NAT8L: variants seen among roughly 807,000 people sequenced by gnomAD.
NAT8L encodes N-acetylaspartate synthetase.
NAT8L carries 6 observed loss-of-function variants against 21.2 expected under a neutral mutation model. The observed-to-expected ratio is 0.28, with a 90% CI of 0.16 to 0.56. The LOEUF is 0.56. Among genes scored for constraint, NAT8L ranks in the 20% least tolerant of loss-of-function variants. The pLI, the probability that NAT8L is intolerant of heterozygous loss-of-function variation, is 0.93. For missense variants in NAT8L, 331 were observed against 433.3 expected, an observed-to-expected ratio of 0.76 and a Z score of 2.10; for synonymous variants, 239 against 204.9, an observed-to-expected ratio of 1.17 and a Z score of -1.42.
chr4:2,059,615 C>T lies in NAT8L; in HGVS notation c.104C>T (p.Ala35Val), dbSNP rs981218145. 1.0e-6 allele frequency: 1 copy of T among 980,076 alleles called. No individual in the cohort carries two copies. The highest frequency in any genetic ancestry group is 1.2e-6 in the Non-Finnish European group (1 of 827,338). 60.7% of individuals were successfully genotyped at this position (980,076 alleles called of 1,614,324 possible). ...AAGAAGGACGCGCTGCTCGCCGCCG[C>T]CGGCGCCATGTGGCCCCCGCTGCCC... ...GAKKDALLAA[A>V]GAMWPPLPAA... The change falls in exon 1 of 3, where the codon GCC becomes GTC. Residue 35 changes from alanine to valine, a missense_variant. By Grantham distance (64) the Ala-to-Val change is moderately conservative. Around this residue, in one of 2 missense-constraint regions of NAT8L, gnomAD observed 199 missense variants for 196.1 expected, o/e 1.01. Coordinates refer to ENST00000423729, the MANE Select transcript of NAT8L (RefSeq NM_178557.4). The surrounding 1 kb of genome is among the most constrained non-coding windows in gnomAD (Gnocchi z 4.8).
rs1491548317 is a variant in NAT8L, at chr4:2,068,231, CGT to C, written c.*4106_*4107del. On this transcript the variant is annotated 3_prime_UTR_variant, in exon 3 of 3. Coordinates refer to ENST00000423729, the MANE Select transcript of NAT8L (RefSeq NM_178557.4). ...TTGTAGGTGCATAAGCATGTACACG[CGT>C]GAGCATGCATGTGTGTGTACACGTG... The C allele has an allele frequency of 1.3e-5, 2 of 152,050 alleles. No individual in the cohort carries two copies. The highest frequency in any genetic ancestry group is 1.9e-4 in the East Asian group (1 of 5,194). 9.4% of individuals were successfully genotyped at this position (152,050 alleles called of 1,614,324 possible). A position where few individuals can be genotyped will look rare whatever the true frequency, so the allele number is the denominator to read the frequency against.
rs1180604168 is a variant in NAT8L, at chr4:2,059,684, C to T, written c.173C>T (p.Ala58Val). The change falls in exon 1 of 3, where the codon GCC becomes GTC. Residue 58 changes from alanine to valine, a missense_variant. By Grantham distance (64) the Ala-to-Val change is moderately conservative. Transcript: ENST00000423729. This position sits in a 1 kb window ranked among gnomAD's most constrained non-coding sequence, Gnocchi z 4.8. Reference protein sequence around the residue: ...PAAAPPAPPPAPVAQPHGGAG... With the variant: ...PAAAPPAPPPVPVAQPHGGAG... Reference sequence around the variant, plus strand: ...GCCGCGCCCCCCGCGCCCCCACCTGCCCCGGTGGCTCAGCCTCACGGCGGG... The same window carrying T: ...GCCGCGCCCCCCGCGCCCCCACCTGTCCCGGTGGCTCAGCCTCACGGCGGG... The T allele has an allele frequency of 3.9e-6, 4 of 1,028,058 alleles. No homozygotes were observed. The highest frequency in any genetic ancestry group is 4.7e-6 in the Non-Finnish European group (4 of 859,090). 63.7% of individuals were successfully genotyped at this position (1,028,058 alleles called of 1,614,324 possible).
intron 2 of NAT8L, among the ~76,000 whole-genome samples, chr4:2,061,779 G>A (rs964973041): frequency 1.3e-4 from 20 of 152,312 alleles, no homozygotes; most frequent in East Asian, 3.9e-4. Flanking sequence ...CCCCCATGCC[G>A]GATGCCGCAG....
rs1406497138 is a variant in NAT8L at position 2,061,096 on chromosome 4, G to A, written c.475G>A (p.Ala159Thr). 6.2e-7 allele frequency: 1 copy of A among 1,611,164 alleles called. No homozygotes were observed. Among genetic ancestry groups the A allele is most frequent in the Non-Finnish European group, 8.5e-7 (1 of 1,179,136 alleles). Reference sequence around the variant, plus strand: ...CTACTACAGCCGCAAGGTGATCCGCGCCTACCTGGAGTGCGCGCTGCACAC... The same window carrying A: ...CTACTACAGCCGCAAGGTGATCCGCACCTACCTGGAGTGCGCGCTGCACAC... ...RYYYSRKVIR[A>T]YLECALHTDM... The change falls in exon 2 of 3, where the codon GCC becomes ACC. Residue 159 changes from alanine to threonine, a missense_variant. Physicochemically the swap from Ala to Thr is moderately conservative, Grantham distance 58 (BLOSUM62 0). Coordinates refer to ENST00000423729, the MANE Select transcript of NAT8L (RefSeq NM_178557.4).
chr4:2,059,955 C>CT lies in NAT8L; in HGVS notation c.376+68_376+69insT, dbSNP rs543963263. The CT allele has an allele frequency of 4.0e-3, 3,760 of 937,356 alleles. 124 individuals are homozygous for CT. The African/African-American group carries it at 0.061, about 15-fold the overall frequency. The allele number at this position is 937,356 out of a possible 1,614,324, so 58.1% of individuals were successfully genotyped here. On this transcript the variant is annotated intron_variant, in intron 1 of 2. Coordinates refer to ENST00000423729, the MANE Select transcript of NAT8L (RefSeq NM_178557.4). The surrounding 1 kb of genome is among the most constrained non-coding windows in gnomAD (Gnocchi z 4.8). ...GCGCGGAGCTCCCCCGCCCCGGCGT[C>CT]CACGCGGACCCCGCGCCCGGCTCCC...
intron 2 of NAT8L, among the ~76,000 whole-genome samples, chr4:2,061,879 G>T (rs1272502892): frequency 6.6e-6 from 1 of 152,134 alleles, no homozygotes; most frequent in Non-Finnish European, 1.5e-5. Context: ...TGGCCCAAAG[G>T]GTTGGGCAGG....
At position 2,063,879 on chromosome 4, in the gene NAT8L, G is replaced by T; in HGVS notation, c.661G>T (p.Gly221Cys). Residue 221 changes from glycine (G) to cysteine (C), a missense_variant, in exon 3 of 3, where the codon GGC becomes TGC. Gly to Cys is a radical substitution (Grantham distance 159). Around this residue, in one of 2 missense-constraint regions of NAT8L, gnomAD observed 132 missense variants for 237.1 expected, o/e 0.56. Transcript: ENST00000423729. ...GATGTCTGTGGACTCACGTTTCCGA[G>T]GCAAGGGCATCGCCAAGGCGCTGGG... ...LRMSVDSRFR[G>C]KGIAKALGRK... is the part of the protein sequence containing the mutation. The T allele has an allele frequency of 6.2e-7, 1 of 1,612,448 alleles. No homozygotes were observed. Among genetic ancestry groups the T allele is most frequent in the Non-Finnish European group, 8.5e-7 (1 of 1,179,950 alleles).
chr4:2,059,480 C>T lies in NAT8L; in HGVS notation c.-32C>T, dbSNP rs1729809062. ...GGCCGTGCCCGCCGCCGCCCGGCCG[C>T]GTCCCCGCTGCCGCGCCGCCCGGCC... On this transcript the variant is annotated 5_prime_UTR_variant, in exon 1 of 3. Coordinates refer to ENST00000423729, the MANE Select transcript of NAT8L (RefSeq NM_178557.4). The surrounding 1 kb of genome is among the most constrained non-coding windows in gnomAD (Gnocchi z 4.8). The T allele has an allele frequency of 5.3e-6, 5 of 945,678 alleles. No individual in the cohort carries two copies. The highest frequency in any genetic ancestry group is 4.4e-4 in the Middle Eastern group (1 of 2,284). 58.6% of individuals were successfully genotyped at this position (945,678 alleles called of 1,614,324 possible).
chr4:2,061,249 C>T (rs1221685066), intron 2 of NAT8L, 87 bp downstream of exon 2: 23 of 1,565,922 alleles, frequency 1.5e-5, no homozygotes, highest in East Asian at 4.7e-5. Flanking sequence ...CAGGCCTGGG[C>T]GAGGGCCGGC....
intron 2 of NAT8L, among the ~76,000 whole-genome samples, chr4:2,061,828 C>T (rs989004064): frequency 2.0e-5 from 3 of 152,218 alleles, no homozygotes; most frequent in Non-Finnish European, 4.4e-5. Flanking sequence ...AGGCTCTCTG[C>T]GATCCTGGAG....
intron 2 of NAT8L, among the ~76,000 whole-genome samples, chr4:2,062,943 G>A (rs1406734567): frequency 6.6e-6 from 1 of 152,214 alleles, no homozygotes; most frequent in East Asian, 1.9e-4. Flanking sequence ...GCCAGTGCCT[G>A]CAGGTTCCCT....
chr4:2,063,696 C>T, intron 2 of NAT8L, 64 bp from the exon 3 acceptor site: 3 of 1,600,620 alleles, frequency 1.9e-6, no homozygotes, highest in Non-Finnish European at 2.5e-6. Context: ...TGTCTCACCC[C>T]AGAGGTGGAG....
rs780080851 is a variant in NAT8L, at chr4:2,066,194, C to T, written c.*2067C>T. The stretch of plus-strand genomic sequence containing the variant: ...TGCCAGTGTCTCCTTGATATTGATC[C>T]TAGCAGATCCCCCTCCTGGGGGTTC... On this transcript the variant is annotated 3_prime_UTR_variant, in exon 3 of 3. Coordinates refer to ENST00000423729, the MANE Select transcript of NAT8L (RefSeq NM_178557.4). 6.6e-6 allele frequency: 1 copy of T among 152,216 alleles called. No homozygotes were observed. The highest frequency in any genetic ancestry group is 1.5e-5 in the Non-Finnish European group (1 of 68,038). 9.4% of individuals were successfully genotyped at this position (152,216 alleles called of 1,614,324 possible).
At chr4:2,062,488 G>A (rs1307405998) in intron 2 of NAT8L, among the ~76,000 whole-genome samples, 1 of 151,954 alleles carries the variant, frequency 6.6e-6, no homozygotes, top group Non-Finnish European at 1.5e-5. Flanking sequence ...GGGGTTGGGT[G>A]TGGGAGACCC....
intron 2 of NAT8L, among the ~76,000 whole-genome samples, chr4:2,062,063 G>A (rs1729904334): frequency 6.6e-6 from 1 of 152,208 alleles, no homozygotes; most frequent in Admixed American, 6.5e-5. Flanking sequence ...GCTTGGGAGG[G>A]GAAACGGGCC....
rs1294809852 is a variant in NAT8L, at chr4:2,065,852, C to T, written c.*1725C>T. 2.0e-5 allele frequency: 3 copies of T among 152,620 alleles called. No individual in the cohort carries two copies. The highest frequency in any genetic ancestry group is 4.8e-5 in the African/African-American group (2 of 41,460). The allele number at this position is 152,620 out of a possible 1,614,324, so 9.5% of individuals were successfully genotyped here. A position where few individuals can be genotyped will look rare whatever the true frequency, so the allele number is the denominator to read the frequency against. ...AAATCGGCACCCTATTTTCTTGCAGCTCAGATTTTGTTAATCTGGAATATA... is the reference window on the plus strand; with the variant it reads ...AAATCGGCACCCTATTTTCTTGCAGTTCAGATTTTGTTAATCTGGAATATA... On this transcript the variant is annotated 3_prime_UTR_variant, in exon 3 of 3. Transcript: ENST00000423729.
Position 2,060,015 on chromosome 4 carries a change from G to C in NAT8L, c.376+128G>C. 1 of 452,628 alleles carries C rather than the reference G, an allele frequency of 2.2e-6. No individual in the cohort carries two copies. The highest frequency in any genetic ancestry group is 3.2e-6 in the Non-Finnish European group (1 of 316,220). 28.0% of individuals were successfully genotyped at this position (452,628 alleles called of 1,614,324 possible). A position where few individuals can be genotyped will look rare whatever the true frequency, so the allele number is the denominator to read the frequency against. On this transcript the variant is annotated intron_variant, in intron 1 of 2. Transcript: ENST00000423729. This position sits in a 1 kb window ranked among gnomAD's most constrained non-coding sequence, Gnocchi z 4.7. ...CCTGGGAAGCCCCCCGCTTTCTGCC[G>C]CGCCGGGCCCCGCGCAGGGCTGGCT... is the stretch of plus-strand genomic sequence containing the variant.
rs1215219579 is a variant in NAT8L, at chr4:2,060,784, C to G, written c.377-214C>G. Among the ~76,000 whole-genome samples, 1 of 152,180 alleles carries G rather than the reference C, an allele frequency of 6.6e-6. No homozygotes were observed. Among genetic ancestry groups the G allele is most frequent in the East Asian group, 1.9e-4 (1 of 5,182 alleles). ...CCGTGTTTGGAAGCTCAGAGACCCG[C>G]CGAGGCTCATTCCAGGCGGTGGGGG... On this transcript the variant is annotated intron_variant, in intron 1 of 2. Coordinates refer to ENST00000423729, the MANE Select transcript of NAT8L (RefSeq NM_178557.4). This position sits in a 1 kb window ranked among gnomAD's most constrained non-coding sequence, Gnocchi z 4.7.
At position 2,064,167 on chromosome 4, in the gene NAT8L, C is replaced by T; in HGVS notation, c.*40C>T. ...CCGCCCGCCCCCCCGGCCGCCCTGT[C>T]CGCCTTTGCCCGCCTGCCCGCCGCC... On this transcript the variant is annotated 3_prime_UTR_variant, in exon 3 of 3. Coordinates refer to ENST00000423729, the MANE Select transcript of NAT8L (RefSeq NM_178557.4). 1 of 1,254,984 alleles carries T rather than the reference C, an allele frequency of 8.0e-7. No homozygotes were observed. The highest frequency in any genetic ancestry group is 2.3e-5 in the South Asian group (1 of 43,634). The allele number at this position is 1,254,984 out of a possible 1,614,324, so 77.7% of individuals were successfully genotyped here. A position where few individuals can be genotyped will look rare whatever the true frequency, so the allele number is the denominator to read the frequency against.
Sources: allele counts gnomAD v4.1 joint callset (sites outside exome capture counted in the v4.1 genomes callset), GRCh38; gene constraint gnomAD v4.1.1; regional missense constraint gnomAD v4.1.1; non-coding constraint Gnocchi (gnomAD v3.1); transcripts MANE v1.5; gene names NCBI Gene and HGNC (gene_info 2026-07-23, HGNC 2026-07-21).